NFRKB: variants seen among roughly 807,000 people sequenced by gnomAD.
NFRKB encodes nuclear factor related to kappa-B-binding protein.
In NFRKB, 62 loss-of-function variants were observed where a neutral mutation model predicts 135.7. The observed-to-expected ratio is 0.46, with a 90% CI of 0.37 to 0.56. The LOEUF (loss-of-function observed/expected upper bound fraction) is 0.56, where lower values mean the gene tolerates loss of function less well. Among genes scored for constraint, NFRKB ranks in the 20% least tolerant of loss-of-function variants. The probability of loss-of-function intolerance (pLI) is 0.00; values close to 1 mark genes in which losing one functional copy is unlikely to be tolerated. For synonymous variants in NFRKB, 678 were observed against 635.6 expected (o/e 1.07, Z -1.00); for missense variants, 1,545 against 1,662.0 (o/e 0.93, Z 1.22).
intron 3 of NFRKB, among the ~76,000 whole-genome samples, chr11:129,889,958 G>GTT (rs1411528412): frequency 1.4e-5 from 2 of 146,856 alleles, no homozygotes; most frequent in Non-Finnish European, 3.0e-5. Flanking sequence ...TTACGTGTGT[G>GTT]TGTGTGTGTG....
In NFRKB at chr11:129,882,483, G is replaced by A. The variant is rs375807402; in HGVS notation, c.1050C>T (p.Pro350=). ...TGATAGCAGGAATTGCCAGCGGAGA[G>A]GGGGCCTGTGAGAGAGGTGCGACCC... The part of the protein sequence containing the change: ...TEGVAPLSQA[P]SPLAIPAIKE... Residue 350 remains proline (P), a synonymous_variant, in exon 10 of 27, where the codon CCC becomes CCT. Coordinates refer to ENST00000682444, the MANE Select transcript of NFRKB (RefSeq NM_001143835.2). 8 of 1,613,670 alleles carry A rather than the reference G, an allele frequency of 5.0e-6. No homozygotes were observed. In the African/African-American group the frequency reaches 5.3e-5, roughly 11 times the overall value.
chr11:129,894,986 T>C (rs1949709582), intron 1 of NFRKB, among the ~76,000 whole-genome samples: 1 of 152,222 alleles, frequency 6.6e-6, no homozygotes, highest in Non-Finnish European at 1.5e-5. Flanking sequence ...ACCTTTGCAC[T>C]GCCACTATTC....
intron 24 of NFRKB, among the ~76,000 whole-genome samples, chr11:129,866,759 G>A (rs1232208293): frequency 1.3e-5 from 2 of 152,140 alleles, no homozygotes; most frequent in African/African-American, 4.8e-5. Flanking sequence ...TTTCTATGCA[G>A]TGAAATCTTA....
intron 2 of NFRKB, 195 bp downstream of exon 2, chr11:129,894,164 C>G (rs1469804538): frequency 6.6e-6 from 1 of 152,210 alleles, no homozygotes; most frequent in Non-Finnish European, 1.5e-5. Flanking sequence ...CAGGACTGCA[C>G]AATGCTAACA....
Position 129,881,528 on chromosome 11 carries a change from TAAAC to T in NFRKB, c.1319-24_1319-21del. On this transcript the variant is annotated intron_variant, in intron 12 of 26. Coordinates refer to ENST00000682444, the MANE Select transcript of NFRKB (RefSeq NM_001143835.2). ...GAACAGCTGCAAGAAATGGACCACA[TAAAC>T]AAACCATACAGGTGCGTCCCTGAGC... 1.2e-6 allele frequency: 2 copies of T among 1,613,922 alleles called. No homozygotes were observed. The highest frequency in any genetic ancestry group is 8.5e-7 in the Non-Finnish European group (1 of 1,179,936).
Position 129,872,864 on chromosome 11 carries a change from G to A in NFRKB, c.2763+20C>T, listed in dbSNP as rs369692430. On this transcript the variant is annotated intron_variant, in intron 23 of 26. Coordinates refer to ENST00000682444, the MANE Select transcript of NFRKB (RefSeq NM_001143835.2). ...TCCAGGATGAAGGATTGAGATCCAC[G>A]TGGAAAGAGCCCCACCTACCTGCTT... 103 of 1,573,490 alleles carry A rather than the reference G, an allele frequency of 6.5e-5. No homozygotes were observed. In the African/African-American group the frequency reaches 9.4e-4, roughly 14 times the overall value.
chr11:129,890,656 G>T (rs1949516391), intron 3 of NFRKB, among the ~76,000 whole-genome samples: 1 of 152,180 alleles, frequency 6.6e-6, no homozygotes, highest in South Asian at 2.1e-4. Flanking sequence ...CAAAACAAAA[G>T]AAATATATAA....
chr11:129,878,646 T>A, intron 13 of NFRKB, 103 bp from the exon 14 acceptor site: 1 of 974,684 alleles, frequency 1.0e-6, no homozygotes. Context: ...AGAGATTCTA[T>A]CAGGAGCTGT....
Position 129,869,481 on chromosome 11 carries a change from A to T in NFRKB, c.3531+13T>A. 1 of 1,594,306 alleles carries T rather than the reference A, an allele frequency of 6.3e-7. No individual in the cohort carries two copies. Among genetic ancestry groups the T allele is most frequent in the Admixed American group, 1.8e-5 (1 of 57,008 alleles). ...TAAAAAAGAAGGCCTAAGCTTTACC[A>T]CTAGTTACTCACAGCCTGGGACGTG... On this transcript the variant is annotated intron_variant, in intron 24 of 26. Coordinates refer to ENST00000682444, the MANE Select transcript of NFRKB (RefSeq NM_001143835.2).
chr11:129,885,054 C>T (rs922943113), intron 6 of NFRKB, among the ~76,000 whole-genome samples: 9 of 152,162 alleles, frequency 5.9e-5, no homozygotes, highest in Admixed American at 1.3e-4. Context: ...CAACAGAGTG[C>T]TGGGGTTGCA....
rs191991895 is a variant in NFRKB at position 129,864,899 on chromosome 11, C to T, written c.3775-49G>A. The T allele has an allele frequency of 4.0e-3, 6,487 of 1,613,800 alleles. 21 individuals carry two copies. The highest frequency in any genetic ancestry group is 5.3e-3 in the Middle Eastern group (32 of 6,048). On this transcript the variant is annotated intron_variant, in intron 26 of 26. Coordinates refer to ENST00000682444, the MANE Select transcript of NFRKB (RefSeq NM_001143835.2). ...GGTCAATGGATTGCAAGCGGGCTCA[C>T]CAGTTAAGAACAGCAGTGGAATCAG...
At position 129,873,703 on chromosome 11, in the gene NFRKB, T is replaced by G. The variant is rs376358398; in HGVS notation, c.2550+42A>C. ...TCTGACTCATCAGCCCACCTCTGGG[T>G]CTGCATCTCTGCTTCCCAATGACCA... On this transcript the variant is annotated intron_variant, in intron 22 of 26. Transcript: ENST00000682444. 44 of 1,597,402 alleles carry G rather than the reference T, an allele frequency of 2.8e-5. No homozygotes were observed. In the African/African-American group the frequency reaches 5.6e-4, roughly 20 times the overall value.
chr11:129,875,533 C>T, intron 17 of NFRKB, 70 bp from the exon 18 acceptor site: 1 of 1,258,946 alleles, frequency 7.9e-7, no homozygotes, highest in Non-Finnish European at 1.1e-6. Flanking sequence ...TCTCCTGTAC[C>T]TGCAGTGATG....
At chr11:129,882,744 TAATAAAACACTC>T (rs1949090146) in intron 9 of NFRKB, 113 bp from the exon 10 acceptor site, 2 of 1,115,732 alleles carry the variant, frequency 1.8e-6, no homozygotes, top group Middle Eastern at 2.1e-4. Context: ...AAAGTCTCAG[TAATAAAACACTC>T]AATGAAACCA....
Position 129,873,940 on chromosome 11 carries a change from G to C in NFRKB, c.2355C>G (p.Pro785=). Residue 785 remains proline, a synonymous_variant, in exon 22 of 27, where the codon CCC becomes CCG. Coordinates refer to ENST00000682444, the MANE Select transcript of NFRKB (RefSeq NM_001143835.2). ...CGACCCGGGCGGCAGCCTGAGAACT[G>C]GGTGCAGTCTGGCTGGAAGCTGGGG... The part of the protein sequence containing the change: ...MLSPASSQTA[P]SSQAAARVVS... The C allele has an allele frequency of 6.2e-7, 1 of 1,613,336 alleles. No homozygotes were observed. The highest frequency in any genetic ancestry group is 2.2e-5 in the East Asian group (1 of 44,886).
chr11:129,879,163 C>T (rs1188208280), intron 13 of NFRKB, among the ~76,000 whole-genome samples: 1 of 152,170 alleles, frequency 6.6e-6, no homozygotes, highest in Non-Finnish European at 1.5e-5. Context: ...AGCCACAGGA[C>T]CATCATCGGC....
At chr11:129,882,993 G>GT (rs1284897947) in intron 9 of NFRKB, 129 bp downstream of exon 9, 10 of 759,894 alleles carry the variant, frequency 1.3e-5, no homozygotes, top group Non-Finnish European at 2.2e-6. Flanking sequence ...CTGTTAGCCT[G>GT]TAAGAGGTAA....
intron 13 of NFRKB, among the ~76,000 whole-genome samples, chr11:129,880,411 G>C (rs373536179): frequency 1.5e-3 from 222 of 152,146 alleles, no homozygotes; most frequent in African/African-American, 5.0e-3. Context: ...CTCTCTCCCT[G>C]TGTCTAAATT....
chr11:129,866,969 C>CA (rs1948222764), intron 24 of NFRKB, among the ~76,000 whole-genome samples: 1 of 152,118 alleles, frequency 6.6e-6, no homozygotes, highest in Middle Eastern at 3.2e-3. Flanking sequence ...GCAAAGAGGG[C>CA]AACAGGCAAC....
Sources: allele counts gnomAD v4.1 joint callset (sites outside exome capture counted in the v4.1 genomes callset), GRCh38; gene constraint gnomAD v4.1.1; transcripts MANE v1.5; gene names NCBI Gene and HGNC (gene_info 2026-07-23, HGNC 2026-07-21).